Variants in PCNP observed in about 807,000 individuals in gnomAD.
The protein encoded by PCNP is PEST proteolytic signal-containing nuclear protein.
In PCNP, 6 loss-of-function variants were observed where a neutral mutation model predicts 21.8. The ratio of observed to expected loss-of-function variants is 0.28; its 90% CI spans 0.15 to 0.54. The LOEUF (loss-of-function observed/expected upper bound fraction) is 0.54, where lower values mean the gene tolerates loss of function less well. Among genes scored for constraint, PCNP ranks in the 20% least tolerant of loss-of-function variants. The pLI is 0.95. For missense variants in PCNP, 161 were observed against 215.5 expected (o/e 0.75, Z 1.58); for synonymous variants, 67 against 73.2 (o/e 0.92, Z 0.43).
At chr3:101,579,210 A>G (rs897527584) in intron 1 of PCNP, among the ~76,000 whole-genome samples, 6 of 152,088 alleles carry the variant, frequency 3.9e-5, no homozygotes, top group South Asian at 2.1e-4. Context: ...ATTTCTCAAG[A>G]GGGAATGACC....
At chr3:101,576,318 T>TC (rs1671820078) in intron 1 of PCNP, among the ~76,000 whole-genome samples, 1 of 150,644 alleles carries the variant, frequency 6.6e-6, no homozygotes, top group African/African-American at 2.4e-5. Flanking sequence ...CACTGCAAAC[T>TC]CCGTCTCCCC....
At position 101,593,788 on chromosome 3, in the gene PCNP, C is replaced by T. The variant is rs1413680838; in HGVS notation, c.*1035C>T. ...AAAATTATATGGTTTATTTTAAATGCGTACATATTGACCAATGGCCTCTGA... is the reference window on the plus strand; with the variant it reads ...AAAATTATATGGTTTATTTTAAATGTGTACATATTGACCAATGGCCTCTGA... On this transcript the variant is annotated 3_prime_UTR_variant, in exon 5 of 5. Coordinates refer to ENST00000265260, the MANE Select transcript of PCNP (RefSeq NM_020357.3). The T allele has an allele frequency of 2.0e-5, 3 of 152,482 alleles. No individual in the cohort carries two copies. The highest frequency in any genetic ancestry group is 7.2e-5 in the African/African-American group (3 of 41,410). The allele number at this position is 152,482 out of a possible 1,614,324, so 9.4% of individuals were successfully genotyped here.
intron 2 of PCNP, among the ~76,000 whole-genome samples, chr3:101,581,422 T>C (rs1235773829): frequency 6.6e-6 from 1 of 151,522 alleles, no homozygotes; most frequent in Non-Finnish European, 1.5e-5. Flanking sequence ...ATTTATTTAT[T>C]TATATTTATT....
chr3:101,579,401 T>C (rs1427818606), intron 1 of PCNP, among the ~76,000 whole-genome samples: 2 of 152,206 alleles, frequency 1.3e-5, no homozygotes, highest in African/African-American at 4.8e-5. Context: ...CCAAGTGTAT[T>C]ATTTTACCGT....
chr3:101,584,492 T>C (rs1222770448), intron 2 of PCNP, among the ~76,000 whole-genome samples: 1 of 152,054 alleles, frequency 6.6e-6, no homozygotes, highest in African/African-American at 2.4e-5. Flanking sequence ...GAACAAAAGG[T>C]GGGAGAATTG....
intron 3 of PCNP, among the ~76,000 whole-genome samples, chr3:101,586,147 G>A (rs1489104709): frequency 7.4e-6 from 1 of 134,966 alleles, no homozygotes; most frequent in Non-Finnish European, 1.5e-5. Flanking sequence ...CTTCAGCCTG[G>A]GCAACAGAGC....
At chr3:101,577,789 G>A (rs1935006057) in intron 1 of PCNP, among the ~76,000 whole-genome samples, 1 of 152,168 alleles carries the variant, frequency 6.6e-6, no homozygotes, top group South Asian at 2.1e-4. Flanking sequence ...CTCCCAAAGT[G>A]CTGGGATTAC....
Position 101,574,202 on chromosome 3 carries a change from C to T in PCNP, c.-14C>T. On this transcript the variant is annotated 5_prime_UTR_variant, in exon 1 of 5. Transcript: ENST00000265260. ...GTCCTTGGCGTGGCTGCAGGGGAGGCCGCGGCGGGGAAAATGGCGGACGGG... is the reference window on the plus strand; with the variant it reads ...GTCCTTGGCGTGGCTGCAGGGGAGGTCGCGGCGGGGAAAATGGCGGACGGG... 2 of 1,549,226 alleles carry T rather than the reference C, an allele frequency of 1.3e-6. No individual in the cohort carries two copies. Among genetic ancestry groups the T allele is most frequent in the Non-Finnish European group, 1.7e-6 (2 of 1,145,782 alleles).
intron 1 of PCNP, among the ~76,000 whole-genome samples, chr3:101,575,711 G>A (rs1934842088): frequency 6.6e-6 from 1 of 152,168 alleles, no homozygotes; most frequent in Non-Finnish European, 1.5e-5. Context: ...CTCGTTAACT[G>A]TCTTGACCGA....
intron 2 of PCNP, among the ~76,000 whole-genome samples, chr3:101,581,587 C>G (rs936895488): frequency 6.6e-6 from 1 of 151,990 alleles, no homozygotes; most frequent in African/African-American, 2.4e-5. Flanking sequence ...GTGCACGCCA[C>G]CACGTCTGGC....
In PCNP at chr3:101,592,807, T is replaced by C; in HGVS notation, c.*54T>C. 1 of 1,549,284 alleles carries C rather than the reference T, an allele frequency of 6.5e-7. No homozygotes were observed. Among genetic ancestry groups the C allele is most frequent in the Non-Finnish European group, 8.7e-7 (1 of 1,147,398 alleles). ...GGGTGTAAAGTTAAAAGGAACAGTTTCCTTTTTTAAAGAATGGTATAAGAC... is the reference window on the plus strand; with the variant it reads ...GGGTGTAAAGTTAAAAGGAACAGTTCCCTTTTTTAAAGAATGGTATAAGAC... On this transcript the variant is annotated 3_prime_UTR_variant, in exon 5 of 5. Coordinates refer to ENST00000265260, the MANE Select transcript of PCNP (RefSeq NM_020357.3).
chr3:101,585,815 TTAA>T (rs1482302736), intron 3 of PCNP, among the ~76,000 whole-genome samples: 3 of 152,198 alleles, frequency 2.0e-5, no homozygotes, highest in African/African-American at 7.2e-5. Flanking sequence ...TACTGTTGCC[TTAA>T]TAATTTTTAT....
chr3:101,592,819 G>C lies in PCNP; in HGVS notation c.*66G>C. The C allele has an allele frequency of 2.0e-6, 3 of 1,495,742 alleles. No homozygotes were observed. Among genetic ancestry groups the C allele is most frequent in the Non-Finnish European group, 2.7e-6 (3 of 1,103,302 alleles). 92.7% of individuals were successfully genotyped at this position (1,495,742 alleles called of 1,614,324 possible). ...AAAAGGAACAGTTTCCTTTTTTAAA[G>C]AATGGTATAAGACTATCTTTGGAGC... is the stretch of plus-strand genomic sequence containing the variant. On this transcript the variant is annotated 3_prime_UTR_variant, in exon 5 of 5. Transcript: ENST00000265260.
chr3:101,587,600 A>T (rs1935598847), intron 3 of PCNP, among the ~76,000 whole-genome samples: 1 of 151,428 alleles, frequency 6.6e-6, no homozygotes, highest in Admixed American at 6.6e-5. Flanking sequence ...TGAATAAATG[A>T]TACTGTGGAA....
intron 4 of PCNP, among the ~76,000 whole-genome samples, chr3:101,590,856 C>A (rs916730175): frequency 6.7e-6 from 1 of 150,036 alleles, no homozygotes; most frequent in Non-Finnish European, 1.5e-5. Context: ...GCTGTTTTTT[C>A]AAATAAGAAA....
chr3:101,579,673 C>T, intron 1 of PCNP, 117 bp from the exon 2 acceptor site: 1 of 760,710 alleles, frequency 1.3e-6, no homozygotes. Context: ...ACTGTTGGGT[C>T]AGTAGGTGAC....
intron 2 of PCNP, among the ~76,000 whole-genome samples, chr3:101,582,468 G>A (rs1935274437): frequency 6.6e-6 from 1 of 151,998 alleles, no homozygotes; most frequent in Non-Finnish European, 1.5e-5. Context: ...ATAAACTACA[G>A]TGTAAACACA....
intron 3 of PCNP, among the ~76,000 whole-genome samples, chr3:101,586,329 C>A (rs1451878333): frequency 2.0e-5 from 3 of 152,082 alleles, no homozygotes; most frequent in African/African-American, 7.2e-5. Flanking sequence ...CTGATAGTGT[C>A]TTTGTCCCAA....
chr3:101,576,459 A>G lies in PCNP; in HGVS notation c.64+2180A>G. 3.5e-6 allele frequency: 5 copies of G among 1,441,958 alleles called. No homozygotes were observed. In the South Asian group the frequency reaches 3.6e-5, roughly 10 times the overall value. 89.3% of individuals were successfully genotyped at this position (1,441,958 alleles called of 1,614,324 possible). ...TTTTATTTTTTTCATAGGTATATAA[A>G]CTATTTATTAACAGACAAGGCCTAC... On this transcript the variant is annotated intron_variant, in intron 1 of 4. Transcript: ENST00000265260.
Sources: allele counts gnomAD v4.1 joint callset (sites outside exome capture counted in the v4.1 genomes callset), GRCh38; gene constraint gnomAD v4.1.1; transcripts MANE v1.5; gene names NCBI Gene and HGNC (gene_info 2026-07-23, HGNC 2026-07-21).